Variants in SCAP observed in about 807,000 individuals in gnomAD.
SCAP encodes the protein sterol regulatory element-binding protein cleavage-activating protein.
In SCAP, 65 loss-of-function variants were observed where a neutral mutation model predicts 123.6. That is an observed-to-expected ratio of 0.53 (90% CI 0.43 to 0.65). The LOEUF (loss-of-function observed/expected upper bound fraction) is 0.65, where lower values mean the gene tolerates loss of function less well. Ranked by LOEUF, SCAP falls within the 30% of genes least tolerant of loss-of-function variation. SCAP has a pLI of 0.00. For synonymous variants in SCAP, 740 were observed against 726.3 expected (o/e 1.02, Z -0.30); for missense variants, 1,398 against 1,712.5 (o/e 0.82, Z 3.24).
chr3:47,417,408 C>T lies in SCAP; in HGVS notation c.2866G>A (p.Gly956Ser). The stretch of plus-strand genomic sequence containing the variant: ...GGGGCCCAGGCGAGGGAAGGGGAGC[C>T]TTTCTCGGGGGAGCCACCCTCGTCC... ...PEDEGGSPEK[G>S]SPSLAWAPSA... The change falls in exon 17 of 23, where the codon GGC (glycine) becomes AGC (serine). Residue 956 changes from glycine to serine, a missense_variant. By Grantham distance (56) the Gly-to-Ser change is moderately conservative (BLOSUM62 0). Around this residue, in one of 7 missense-constraint regions of SCAP, gnomAD observed 828 missense variants for 882.5 expected, o/e 0.94. Transcript: ENST00000265565. 2 of 1,578,268 alleles carry T rather than the reference C, an allele frequency of 1.3e-6. No individual in the cohort carries two copies. Among genetic ancestry groups the T allele is most frequent in the Non-Finnish European group, 1.7e-6 (2 of 1,163,696 alleles).
chr3:47,434,883 G>C, intron 3 of SCAP, 125 bp downstream of exon 3: 1 of 1,186,330 alleles, frequency 8.4e-7, no homozygotes, highest in South Asian at 1.3e-5. Context: ...CACTGATAAA[G>C]CTGTTAAAGT....
intron 15 of SCAP, 30 bp from the exon 16 acceptor site, chr3:47,418,279 G>A (rs770674034): frequency 6.4e-7 from 1 of 1,554,202 alleles, no homozygotes; most frequent in Non-Finnish European, 8.7e-7. Context: ...GTATGGGCCA[G>A]GCTCCGGCCC....
In SCAP at chr3:47,426,087, C is replaced by T. The variant is rs745402503; in HGVS notation, c.820G>A (p.Val274Met). ...ACACCAATCTCCTCCTTGAAGTGCA[C>T]GTGGACCAGGCTCTCCGCCCGAAGG... ...CSLRAESLVH[V>M]HFKEEIGVAE... Residue 274 changes from valine to methionine, a missense_variant, in exon 7 of 23, where the codon GTG becomes ATG. Around this residue, in one of 7 missense-constraint regions of SCAP, gnomAD observed 319 missense variants for 432.4 expected, o/e 0.74. Coordinates refer to ENST00000265565, the MANE Select transcript of SCAP (RefSeq NM_012235.4). 4 of 1,614,044 alleles carry T rather than the reference C, an allele frequency of 2.5e-6. No individual in the cohort carries two copies. Among genetic ancestry groups the T allele is most frequent in the South Asian group, 1.1e-5 (1 of 91,086 alleles).
At chr3:47,431,138 A>AGCT (rs1706338606) in intron 3 of SCAP, among the ~76,000 whole-genome samples, 1 of 144,674 alleles carries the variant, frequency 6.9e-6, no homozygotes, top group South Asian at 2.2e-4. Context: ...ACCTGGATGG[A>AGCT]GCTGGCTGCC....
Position 47,419,111 on chromosome 3 carries a change from A to T in SCAP, c.1940+217T>A, listed in dbSNP as rs867462187. Among the ~76,000 whole-genome samples, 2 of 152,262 alleles carry T rather than the reference A, an allele frequency of 1.3e-5. No individual in the cohort carries two copies. Among genetic ancestry groups the T allele is most frequent in the Middle Eastern group, 6.8e-3 (2 of 294 alleles). ...CTCCTGGCACAGGTGGGTGGGTCTC[A>T]TTCTGGTGAGGGCTGGCAGCCACCA... On this transcript the variant is annotated intron_variant, in intron 13 of 22. Transcript: ENST00000265565. The surrounding 1 kb of genome is among the most constrained non-coding windows in gnomAD (Gnocchi z 5.0).
At chr3:47,461,840 C>T (rs575195170) in intron 1 of SCAP, among the ~76,000 whole-genome samples, 3 of 152,238 alleles carry the variant, frequency 2.0e-5, no homozygotes, top group African/African-American at 7.2e-5. Flanking sequence ...TTGAGACCAG[C>T]GTGAGCAACA....
chr3:47,418,855 C>A lies in SCAP; in HGVS notation c.1941-12G>T. 1 of 1,511,936 alleles carries A rather than the reference C, an allele frequency of 6.6e-7. No individual in the cohort carries two copies. Among genetic ancestry groups the A allele is most frequent in the South Asian group, 1.3e-5 (1 of 74,410 alleles). The allele number at this position is 1,511,936 out of a possible 1,614,324, so 93.7% of individuals were successfully genotyped here. On this transcript the variant is annotated splice_polypyrimidine_tract_variant and intron_variant, in intron 13 of 22. Coordinates refer to ENST00000265565, the MANE Select transcript of SCAP (RefSeq NM_012235.4). ...GCAGGCTGATGTACCTGGATTCGGA[C>A]AGTGGGCAGCCTCAGCGGGGGGCCT...
Position 47,417,348 on chromosome 3 carries a change from G to A in SCAP, c.2926C>T (p.Gln976Ter). 6 of 1,611,360 alleles carry A rather than the reference G, an allele frequency of 3.7e-6. No homozygotes were observed. Among genetic ancestry groups the A allele is most frequent in the Non-Finnish European group, 5.1e-6 (6 of 1,179,434 alleles). Residue 976 changes from glutamine (Q) to a stop codon, truncating the protein, a stop_gained, in exon 17 of 23, where the codon CAG (glutamine) becomes TAG (stop). Coordinates refer to ENST00000265565, the MANE Select transcript of SCAP (RefSeq NM_012235.4). LOFTEE classifies it high-confidence loss of function. Reference sequence around the variant, plus strand: ...CGCCCCACCACGATGAGGTTGCCCTGCAGCTCCAAGCTCCAGATGGAACCC... The same window carrying A: ...CGCCCCACCACGATGAGGTTGCCCTACAGCTCCAAGCTCCAGATGGAACCC... ...AEGSIWSLEL[Q>*]GNLIVVGRSS...
chr3:47,420,742 CAG>C lies in SCAP; in HGVS notation c.1373_1374del (p.Pro458ArgfsTer97), dbSNP rs748427248. 13 of 1,610,816 alleles carry C rather than the reference CAG, an allele frequency of 8.1e-6. No individual in the cohort carries two copies. Among genetic ancestry groups the C allele is most frequent in the African/African-American group, 1.3e-5 (1 of 74,856 alleles). On this transcript the variant is annotated frameshift_variant, in exon 12 of 23. Coordinates refer to ENST00000265565, the MANE Select transcript of SCAP (RefSeq NM_012235.4). LOFTEE classifies it high-confidence loss of function. This position sits in a 1 kb window ranked among gnomAD's most constrained non-coding sequence, Gnocchi z 5.0. ...GGCTTGGCTGAGGGCAGGCAGGCCT[CAG>C]GGGGCAGTCGCTTGTTCAGGTCTGC... ...ELADLNKRLP[P>X]EACLPSAKPV...
intron 2 of SCAP, among the ~76,000 whole-genome samples, chr3:47,442,603 G>A (rs1206611216): frequency 2.0e-5 from 3 of 152,224 alleles, no homozygotes; most frequent in Non-Finnish European, 4.4e-5. Flanking sequence ...TTATTTCAGT[G>A]TCTTAGAAGT....
chr3:47,456,772 G>A (rs191290300), intron 1 of SCAP, among the ~76,000 whole-genome samples: 6 of 151,572 alleles, frequency 4.0e-5, no homozygotes, highest in Non-Finnish European at 7.4e-5. Context: ...GCAACAAAGC[G>A]AGACTCCGTC....
chr3:47,420,454 G>A lies in SCAP; in HGVS notation c.1563+100C>T, dbSNP rs1705841470. On this transcript the variant is annotated intron_variant, in intron 12 of 22. Transcript: ENST00000265565. This position sits in a 1 kb window ranked among gnomAD's most constrained non-coding sequence, Gnocchi z 5.0. ...GCTTCCAGGGGCCACCAGGGCCTGA[G>A]GAATACCCTTTGCCACTCTAAGGCC... is the stretch of plus-strand genomic sequence containing the variant. 5 of 1,105,692 alleles carry A rather than the reference G, an allele frequency of 4.5e-6. No homozygotes were observed. Among genetic ancestry groups the A allele is most frequent in the South Asian group, 1.6e-5 (1 of 62,218 alleles). 68.5% of individuals were successfully genotyped at this position (1,105,692 alleles called of 1,614,324 possible).
Position 47,413,685 on chromosome 3 carries a change from T to C in SCAP, c.*169A>G. ...AACAATTCCAAGAGACACAAGTAGC[T>C]CCCAAAGTGCCTGACAGATGATGAT... On this transcript the variant is annotated 3_prime_UTR_variant, in exon 23 of 23. Transcript: ENST00000265565. 1.1e-6 allele frequency: 1 copy of C among 910,498 alleles called. No individual in the cohort carries two copies. Among genetic ancestry groups the C allele is most frequent in the Non-Finnish European group, 1.7e-6 (1 of 598,962 alleles). 56.4% of individuals were successfully genotyped at this position (910,498 alleles called of 1,614,324 possible).
chr3:47,417,089 G>A, intron 18 of SCAP, 33 bp downstream of exon 18: 1 of 1,595,714 alleles, frequency 6.3e-7, no homozygotes. Context: ...ACAAAGGCTG[G>A]GGACATCTGG....
At position 47,435,465 on chromosome 3, in the gene SCAP, AACATACACACACACACACAC is replaced by A. The variant is rs1380249511; in HGVS notation, c.123-348_123-329del. On this transcript the variant is annotated intron_variant, in intron 2 of 22. Transcript: ENST00000265565. ...ATATAACATTAACATATATAATATA[AACATACACACACACACACAC>A]ACACACACACACACACACACACACA... Among the ~76,000 whole-genome samples the A allele has an allele frequency of 1.6e-4, 20 of 121,526 alleles. 1 individual carries two copies. The highest frequency in any genetic ancestry group is 1.5e-3 in the South Asian group (6 of 3,926). The allele number at this position is 121,526 out of a possible 152,430, so 79.7% of individuals were successfully genotyped here.
chr3:47,414,675 G>T, intron 20 of SCAP, 23 bp from the exon 21 acceptor site: 1 of 1,613,038 alleles, frequency 6.2e-7, no homozygotes, highest in Non-Finnish European at 8.5e-7. Context: ...TGGGCCTCAG[G>T]TTCTGGTCTC....
intron 1 of SCAP, chr3:47,475,422 C>A (rs1406530720): frequency 6.6e-6 from 1 of 152,274 alleles, no homozygotes; most frequent in African/African-American, 2.4e-5. Flanking sequence ...AAGTGGAGAA[C>A]CTGCTCTCCC....
chr3:47,441,679 C>T (rs931369659), intron 2 of SCAP, among the ~76,000 whole-genome samples: 6 of 151,980 alleles, frequency 3.9e-5, no homozygotes, highest in African/African-American at 1.4e-4. Flanking sequence ...CAGGTGCAGG[C>T]GGGCACCAGA....
At chr3:47,469,023 C>A (rs1163961519) in intron 1 of SCAP, among the ~76,000 whole-genome samples, 2 of 152,150 alleles carry the variant, frequency 1.3e-5, no homozygotes, top group African/African-American at 4.8e-5. Context: ...AATGTGAATA[C>A]ATTTAATGTC....
Sources: gnomAD v4.1 joint callset for allele counts (sites outside exome capture counted in the v4.1 genomes callset) on GRCh38, gnomAD v4.1.1 for gene constraint, gnomAD v4.1.1 regional missense constraint, Gnocchi (gnomAD v3.1) non-coding constraint, MANE v1.5 for transcripts, NCBI Gene and HGNC (gene_info 2026-07-23, HGNC 2026-07-21) for gene names.